FSHB: variants seen among roughly 807,000 people sequenced by gnomAD.
The protein encoded by FSHB is follitropin subunit beta.
Under a neutral mutation model 12.1 loss-of-function variants are expected in FSHB, and 8 were observed. That is an observed-to-expected ratio of 0.66 (90% CI 0.39 to 1.19). The LOEUF (loss-of-function observed/expected upper bound fraction) is 1.19. FSHB is among the 50% of genes most tolerant of loss of function. The pLI is 0.01. For synonymous variants in FSHB, 55 were observed against 54.6 expected (o/e 1.01, Z -0.04); for missense variants, 153 against 157.2 (o/e 0.97, Z 0.14).
At position 30,233,718 on chromosome 11, in the gene FSHB, G is replaced by C. The variant is rs780498714; in HGVS notation, c.308G>C (p.Gly103Ala). Reference sequence around the variant, plus strand: ...CCAGTGGCCACCCAGTGTCACTGTGGCAAGTGTGACAGCGACAGCACTGAT... The same window carrying C: ...CCAGTGGCCACCCAGTGTCACTGTGCCAAGTGTGACAGCGACAGCACTGAT... ...TYPVATQCHC[G>A]KCDSDSTDCT... Residue 103 changes from glycine to alanine, a missense_variant, in exon 3 of 3, where the codon GGC (glycine) becomes GCC (alanine). Transcript: ENST00000533718. 6.2e-7 allele frequency: 1 copy of C among 1,614,062 alleles called. No homozygotes were observed. Among genetic ancestry groups the C allele is most frequent in the Non-Finnish European group, 8.5e-7 (1 of 1,179,956 alleles).
chr11:30,233,866 G>A lies in FSHB; in HGVS notation c.*66G>A. The stretch of plus-strand genomic sequence containing the variant: ...GGACCAAGATATTCAAAAAGTCTGT[G>A]TGTGTGCAATGTGCCCAGGGGACAA... On this transcript the variant is annotated 3_prime_UTR_variant, in exon 3 of 3. Coordinates refer to ENST00000533718, the MANE Select transcript of FSHB (RefSeq NM_001382289.1). The A allele has an allele frequency of 1.5e-6, 2 of 1,375,414 alleles. No individual in the cohort carries two copies. Among genetic ancestry groups the A allele is most frequent in the Admixed American group, 1.8e-5 (1 of 55,648 alleles). 85.2% of individuals were successfully genotyped at this position (1,375,414 alleles called of 1,614,324 possible).
chr11:30,231,527 A>G (rs1206955834), intron 1 of FSHB, among the ~76,000 whole-genome samples: 1 of 152,210 alleles, frequency 6.6e-6, no homozygotes, highest in Non-Finnish European at 1.5e-5. Context: ...TTCTTTTCAG[A>G]CAAAAATAGA....
intron 1 of FSHB, 111 bp from the exon 2 acceptor site, chr11:30,231,755 T>C (rs1429252970): frequency 7.6e-6 from 6 of 788,854 alleles, no homozygotes; most frequent in African/African-American, 6.9e-5. Context: ...TAAAAAGGCA[T>C]AAGGAAGGAA....
At chr11:30,231,691 C>CA (rs1342288013) in intron 1 of FSHB, among the ~76,000 whole-genome samples, 175 bp from the exon 2 acceptor site, 37 of 151,824 alleles carry the variant, frequency 2.4e-4, no homozygotes, top group Non-Finnish European at 4.4e-4. Context: ...CACCCTGACC[C>CA]AAAAATTGAA....
intron 1 of FSHB, among the ~76,000 whole-genome samples, chr11:30,231,355 A>AT (rs1233273420): frequency 6.6e-6 from 1 of 152,150 alleles, no homozygotes; most frequent in Non-Finnish European, 1.5e-5. Context: ...TTGGCCAGGA[A>AT]TGGTGGCTCA....
chr11:30,232,021 G>T lies in FSHB; in HGVS notation c.119G>T (p.Ser40Ile). 1 of 1,613,932 alleles carries T rather than the reference G, an allele frequency of 6.2e-7. No individual in the cohort carries two copies. Among genetic ancestry groups the T allele is most frequent in the Non-Finnish European group, 8.5e-7 (1 of 1,179,872 alleles). ...AAAGAAGAATGTCGTTTCTGCATAA[G>T]CATCAACACCACTTGGTGTGCTGGC... Reference protein sequence around the residue: ...IEKEECRFCISINTTWCAGYC... With the variant: ...IEKEECRFCIIINTTWCAGYC... Residue 40 changes from serine to isoleucine, a missense_variant, in exon 2 of 3, where the codon AGC becomes ATC. Ser to Ile is a moderately radical substitution (Grantham distance 142, BLOSUM62 -2). Transcript: ENST00000533718.
At chr11:30,231,836 C>T (rs556321613) in intron 1 of FSHB, 30 bp from the exon 2 acceptor site, 14 of 1,576,690 alleles carry the variant, frequency 8.9e-6, no homozygotes, top group South Asian at 7.8e-5. Context: ...GGTCAGCTTA[C>T]ATAATGATTA....
chr11:30,233,863 TG>T lies in FSHB; in HGVS notation c.*64del. The stretch of plus-strand genomic sequence containing the variant: ...GAAGGACCAAGATATTCAAAAAGTC[TG>T]TGTGTGTGCAATGTGCCCAGGGGAC... On this transcript the variant is annotated 3_prime_UTR_variant, in exon 3 of 3. Transcript: ENST00000533718. The T allele has an allele frequency of 7.2e-7, 1 of 1,394,628 alleles. No homozygotes were observed. Among genetic ancestry groups the T allele is most frequent in the Non-Finnish European group, 1.0e-6 (1 of 992,378 alleles). The allele number at this position is 1,394,628 out of a possible 1,614,324, so 86.4% of individuals were successfully genotyped here.
In FSHB at chr11:30,231,846, A is replaced by G; in HGVS notation, c.-37-20A>G. ...GGTTTGGTCAGCTTACATAATGATT[A>G]TCGTTCTTTGGTTTCTCAGTTTCTA... On this transcript the variant is annotated intron_variant, in intron 1 of 2. Transcript: ENST00000533718. 5.0e-6 allele frequency: 8 copies of G among 1,591,328 alleles called. No individual in the cohort carries two copies. Among genetic ancestry groups the G allele is most frequent in the Non-Finnish European group, 6.9e-6 (8 of 1,160,090 alleles).
Position 30,233,894 on chromosome 11 carries a change from C to A in FSHB, c.*94C>A, listed in dbSNP as rs547552219. ...TGTGCAATGTGCCCAGGGGACAAAC[C>A]ACTGGATCAGGGGATTCAGACTCTA... is the stretch of plus-strand genomic sequence containing the variant. On this transcript the variant is annotated 3_prime_UTR_variant, in exon 3 of 3. Transcript: ENST00000533718. The A allele has an allele frequency of 3.9e-6, 4 of 1,015,286 alleles. No individual in the cohort carries two copies. The South Asian group carries it at 5.4e-5, about 14-fold the overall frequency. 62.9% of individuals were successfully genotyped at this position (1,015,286 alleles called of 1,614,324 possible).
At position 30,233,758 on chromosome 11, in the gene FSHB, C is replaced by T; in HGVS notation, c.348C>T (p.Gly116=). 2 of 1,614,016 alleles carry T rather than the reference C, an allele frequency of 1.2e-6. No individual in the cohort carries two copies. ...ACAGCACTGATTGTACTGTGCGAGG[C>T]CTGGGGCCCAGCTACTGCTCCTTTG... ...DSDSTDCTVR[G]LGPSYCSFGE... is the part of the protein sequence containing the mutation. The change falls in exon 3 of 3, where the codon GGC becomes GGT. Residue 116 remains glycine (G), a synonymous_variant. Transcript: ENST00000533718.
intron 2 of FSHB, among the ~76,000 whole-genome samples, chr11:30,233,335 GA>G (rs1564985062): frequency 6.6e-6 from 1 of 151,858 alleles, no homozygotes; most frequent in Non-Finnish European, 1.5e-5. Flanking sequence ...TTTATATTTT[GA>G]AAAATAGTTA....
chr11:30,233,241 T>C (rs1852032518), intron 2 of FSHB, among the ~76,000 whole-genome samples: 1 of 152,218 alleles, frequency 6.6e-6, no homozygotes, highest in Admixed American at 6.5e-5. Context: ...TTGTTATTAA[T>C]ACAGCTTTCA....
intron 1 of FSHB, among the ~76,000 whole-genome samples, 183 bp downstream of exon 1, chr11:30,231,231 T>G (rs1325922360): frequency 6.6e-6 from 1 of 152,244 alleles, no homozygotes; most frequent in Non-Finnish European, 1.5e-5. Flanking sequence ...TAACTGACTT[T>G]ATAGACCAAT....
Position 30,232,038 on chromosome 11 carries a change from T to A in FSHB, c.136T>A (p.Cys46Ser), listed in dbSNP as rs1852014939. Residue 46 changes from cysteine to serine, a missense_variant, in exon 2 of 3, where the codon TGT (cysteine) becomes AGT (serine). Coordinates refer to ENST00000533718, the MANE Select transcript of FSHB (RefSeq NM_001382289.1). Reference sequence around the variant, plus strand: ...CTGCATAAGCATCAACACCACTTGGTGTGCTGGCTACTGCTACACCAGGGT... The same window carrying A: ...CTGCATAAGCATCAACACCACTTGGAGTGCTGGCTACTGCTACACCAGGGT... ...RFCISINTTW[C>S]AGYCYTRDLV... 6.2e-7 allele frequency: 1 copy of A among 1,613,820 alleles called. No individual in the cohort carries two copies. The highest frequency in any genetic ancestry group is 1.7e-5 in the Admixed American group (1 of 59,996).
chr11:30,233,876 T>C lies in FSHB; in HGVS notation c.*76T>C. 1 of 1,239,194 alleles carries C rather than the reference T, an allele frequency of 8.1e-7. No homozygotes were observed. Among genetic ancestry groups the C allele is most frequent in the Non-Finnish European group, 1.2e-6 (1 of 859,302 alleles). The allele number at this position is 1,239,194 out of a possible 1,614,324, so 76.8% of individuals were successfully genotyped here. A position where few individuals can be genotyped will look rare whatever the true frequency, so the allele number is the denominator to read the frequency against. On this transcript the variant is annotated 3_prime_UTR_variant, in exon 3 of 3. Coordinates refer to ENST00000533718, the MANE Select transcript of FSHB (RefSeq NM_001382289.1). ...ATTCAAAAAGTCTGTGTGTGTGCAA[T>C]GTGCCCAGGGGACAAACCACTGGAT...
chr11:30,232,932 G>A (rs531527777), intron 2 of FSHB, among the ~76,000 whole-genome samples: 8 of 152,178 alleles, frequency 5.3e-5, no homozygotes, highest in South Asian at 2.1e-4. Context: ...ATTTCTCTAC[G>A]CAGTATAAAT....
chr11:30,233,877 G>A lies in FSHB; in HGVS notation c.*77G>A, dbSNP rs1445277656. The A allele has an allele frequency of 3.3e-6, 4 of 1,194,710 alleles. No homozygotes were observed. Among genetic ancestry groups the A allele is most frequent in the Non-Finnish European group, 4.9e-6 (4 of 820,356 alleles). The allele number at this position is 1,194,710 out of a possible 1,614,324, so 74.0% of individuals were successfully genotyped here. A position where few individuals can be genotyped will look rare whatever the true frequency, so the allele number is the denominator to read the frequency against. On this transcript the variant is annotated 3_prime_UTR_variant, in exon 3 of 3. Transcript: ENST00000533718. The stretch of plus-strand genomic sequence containing the variant: ...TTCAAAAAGTCTGTGTGTGTGCAAT[G>A]TGCCCAGGGGACAAACCACTGGATC...
Position 30,234,115 on chromosome 11 carries a change from A to C in FSHB, c.*315A>C, listed in dbSNP as rs983880022. 1 of 364,210 alleles carries C rather than the reference A, an allele frequency of 2.7e-6. No individual in the cohort carries two copies. The highest frequency in any genetic ancestry group is 2.1e-5 in the African/African-American group (1 of 47,522). 22.6% of individuals were successfully genotyped at this position (364,210 alleles called of 1,614,324 possible). ...AGGCAATGCCTCTCTCTTAGGGGGA[A>C]ACATAAGCCTAGAAGGAGGAAGCAG... On this transcript the variant is annotated 3_prime_UTR_variant, in exon 3 of 3. Coordinates refer to ENST00000533718, the MANE Select transcript of FSHB (RefSeq NM_001382289.1).
Sources: allele counts gnomAD v4.1 joint callset (sites outside exome capture counted in the v4.1 genomes callset), GRCh38; gene constraint gnomAD v4.1.1; transcripts MANE v1.5; gene names NCBI Gene and HGNC (gene_info 2026-07-23, HGNC 2026-07-21).